AUTS2: variants seen among roughly 807,000 people sequenced by gnomAD.
AUTS2 encodes the protein autism susceptibility gene 2 protein.
AUTS2 carries 17 observed loss-of-function variants against 112.4 expected under a neutral mutation model. That is an observed-to-expected ratio of 0.15 (90% CI 0.10 to 0.23). The LOEUF (loss-of-function observed/expected upper bound fraction) is 0.23, where lower values mean the gene tolerates loss of function less well. AUTS2 is among the 10% of genes least tolerant of loss of function. The pLI, the probability that AUTS2 is intolerant of heterozygous loss-of-function variation, is 1.00. For synonymous variants in AUTS2, 751 were observed against 702.7 expected, an observed-to-expected ratio of 1.07 and a Z score of -1.09; for missense variants, 1,510 against 1,701.6, an observed-to-expected ratio of 0.89 and a Z score of 1.98.
At chr7:70,423,945 C>T (rs552268711) in intron 4 of AUTS2, among the ~76,000 whole-genome samples, 2 of 152,186 alleles carry the variant, frequency 1.3e-5, no homozygotes, top group African/African-American at 4.8e-5. Flanking sequence ...GTAAGTTACC[C>T]TGTTGTTGTG....
At chr7:69,840,150 A>G (rs1044082461) in intron 1 of AUTS2, among the ~76,000 whole-genome samples, 6 of 152,126 alleles carry the variant, frequency 3.9e-5, no homozygotes, top group African/African-American at 9.7e-5. Context: ...TGATTCCCAT[A>G]TTATACTTCA....
chr7:70,428,953 AT>A (rs1224669838), intron 4 of AUTS2, among the ~76,000 whole-genome samples: 1 of 152,248 alleles, frequency 6.6e-6, no homozygotes, highest in Non-Finnish European at 1.5e-5. Context: ...AAAATGAAAA[AT>A]ATTTGCTTTT....
At chr7:70,275,977 A>AT (rs1787908553) in intron 4 of AUTS2, among the ~76,000 whole-genome samples, 1 of 152,158 alleles carries the variant, frequency 6.6e-6, no homozygotes, top group Non-Finnish European at 1.5e-5. Context: ...ACATTCTTTT[A>AT]TTACCTGAGA....
At chr7:70,366,258 C>CATTATAAGT in intron 4 of AUTS2, among the ~76,000 whole-genome samples, 1 of 152,228 alleles carries the variant, frequency 6.6e-6, no homozygotes, top group East Asian at 1.9e-4. Context: ...GCAAATAACA[C>CATTATAAGT]ATTATAAGTT....
At chr7:69,966,474 C>T (rs1797640084) in intron 2 of AUTS2, among the ~76,000 whole-genome samples, 1 of 152,222 alleles carries the variant, frequency 6.6e-6, no homozygotes, top group African/African-American at 2.4e-5. Context: ...TAACATCATA[C>T]ATCCAAATTC....
intron 5 of AUTS2, among the ~76,000 whole-genome samples, chr7:70,454,892 C>T (rs1224455583): frequency 2.0e-5 from 3 of 152,192 alleles, no homozygotes; most frequent in East Asian, 3.9e-4. Context: ...ATGCAGGCCT[C>T]GGGAGTGCTT....
chr7:70,524,212 A>G (rs1056788082), intron 5 of AUTS2, among the ~76,000 whole-genome samples: 1 of 152,248 alleles, frequency 6.6e-6, no homozygotes, highest in Non-Finnish European at 1.5e-5. Context: ...TAAAGCAGAA[A>G]GGAACCATGC....
intron 2 of AUTS2, among the ~76,000 whole-genome samples, chr7:70,068,790 C>T (rs1052748719): frequency 1.6e-4 from 25 of 152,190 alleles, no homozygotes; most frequent in African/African-American, 5.3e-4. Context: ...AGGTACTTAA[C>T]TAACCACAGA....
intron 5 of AUTS2, among the ~76,000 whole-genome samples, chr7:70,688,507 TCCTCCATACA>T (rs1159282859): frequency 5.9e-5 from 9 of 151,882 alleles, no homozygotes; most frequent in African/African-American, 2.2e-4. Context: ...AGGTGGTGGG[TCCTCCATACA>T]GAGAAAATAA....
chr7:69,818,239 G>A (rs1331201993), intron 1 of AUTS2, among the ~76,000 whole-genome samples: 1 of 152,218 alleles, frequency 6.6e-6, no homozygotes, highest in Non-Finnish European at 1.5e-5. Flanking sequence ...TTTCCTCAGA[G>A]TTGTAATTGA....
At chr7:69,939,688 C>A (rs1656036428) in intron 2 of AUTS2, among the ~76,000 whole-genome samples, 1 of 152,130 alleles carries the variant, frequency 6.6e-6, no homozygotes, top group Non-Finnish European at 1.5e-5. Context: ...AGAAGAGAAA[C>A]TTGTATAATC....
intron 1 of AUTS2, among the ~76,000 whole-genome samples, chr7:69,836,851 G>T (rs1791749936): frequency 6.6e-6 from 1 of 150,930 alleles, no homozygotes; most frequent in African/African-American, 2.4e-5. Flanking sequence ...GTGTGAAGTT[G>T]GAAACTTTAG....
chr7:70,757,604 A>T (rs900253076), intron 6 of AUTS2, among the ~76,000 whole-genome samples: 7 of 151,924 alleles, frequency 4.6e-5, no homozygotes, highest in African/African-American at 1.7e-4. Context: ...TTTTAAGTCA[A>T]TTTTAGCAAT....
At chr7:70,274,830 G>A (rs1202741398) in intron 4 of AUTS2, among the ~76,000 whole-genome samples, 2 of 152,128 alleles carry the variant, frequency 1.3e-5, no homozygotes, top group Non-Finnish European at 2.9e-5. Flanking sequence ...AAGTATTATA[G>A]TGGTTCCTCA....
chr7:70,024,873 A>G (rs1254369239), intron 2 of AUTS2, among the ~76,000 whole-genome samples: 1 of 152,218 alleles, frequency 6.6e-6, no homozygotes, highest in Non-Finnish European at 1.5e-5. Flanking sequence ...CTTTACTTGA[A>G]GTTAACTGAT....
intron 5 of AUTS2, among the ~76,000 whole-genome samples, chr7:70,457,681 T>TG: frequency 6.6e-6 from 1 of 152,104 alleles, no homozygotes; most frequent in East Asian, 1.9e-4. Context: ...GAATTTACCA[T>TG]GGTGGTACAA....
intron 2 of AUTS2, among the ~76,000 whole-genome samples, chr7:70,062,119 C>T (rs1316667645): frequency 6.6e-6 from 1 of 151,672 alleles, no homozygotes; most frequent in African/African-American, 2.4e-5. Flanking sequence ...CTCTCACAAA[C>T]CTTCCTTTTA....
intron 1 of AUTS2, among the ~76,000 whole-genome samples, chr7:69,709,651 T>C (rs1197593411): frequency 6.6e-6 from 1 of 152,206 alleles, no homozygotes; most frequent in Non-Finnish European, 1.5e-5. Flanking sequence ...GGTACTTTTG[T>C]TTATGCTCTG....
At chr7:70,434,476 C>T (rs948262655) in intron 4 of AUTS2, among the ~76,000 whole-genome samples, 1 of 152,214 alleles carries the variant, frequency 6.6e-6, no homozygotes. Flanking sequence ...TTGGCATCAT[C>T]CTAGACACAT....
Sources: allele counts gnomAD v4.1 joint callset (sites outside exome capture counted in the v4.1 genomes callset), GRCh38; gene constraint gnomAD v4.1.1; transcripts MANE v1.5; gene names NCBI Gene and HGNC (gene_info 2026-07-23, HGNC 2026-07-21).